Variants in CDH26 observed in about 807,000 individuals in gnomAD.
CDH26 encodes cadherin-like protein 26.
In CDH26, 83 loss-of-function variants were observed where a neutral mutation model predicts 90.3. That is an observed-to-expected ratio of 0.92 (90% CI 0.77 to 1.10). The LOEUF is 1.10. Among genes scored for constraint, CDH26 ranks in the 50% least tolerant of loss-of-function variants. The pLI is 0.00. For missense variants in CDH26, 1,013 were observed against 1,037.6 expected (o/e 0.98, Z 0.33); for synonymous variants, 397 against 396.3 (o/e 1.00, Z -0.02).
At chr20:60,005,577 T>G (rs558454077) in intron 16 of CDH26, among the ~76,000 whole-genome samples, 2 of 152,280 alleles carry the variant, frequency 1.3e-5, no homozygotes, top group South Asian at 4.1e-4. Flanking sequence ...TTTACATATG[T>G]CTTCTGGAAC....
At chr20:59,966,376 T>C (rs867532191) in intron 1 of CDH26, among the ~76,000 whole-genome samples, 21 of 151,956 alleles carry the variant, frequency 1.4e-4, no homozygotes, top group African/African-American at 4.8e-4. Context: ...TCACGAAGAG[T>C]GTTTAAAAGA....
At position 59,970,873 on chromosome 20, in the gene CDH26, A is replaced by T. The variant is rs1006066864; in HGVS notation, c.231+687A>T. On this transcript the variant is annotated intron_variant, in intron 3 of 17. Transcript: ENST00000348616. ...ATAAATAAGGGAGATTGTCTTAAAA[A>T]TTTTGCCCTTCTAAAGACTTTTAAA... 8.6e-4 allele frequency among the ~76,000 whole-genome samples: 131 copies of T among 152,044 alleles called. 2 individuals carry two copies. The highest frequency in any genetic ancestry group is 3.4e-3 in the Middle Eastern group (1 of 292).
rs745726116 is a variant in CDH26 at position 59,996,040 on chromosome 20, T to C, written c.1874T>C (p.Phe625Ser). ...GCCCTGTTCCCTGTCTGTGCAGCAT[T>C]TGTGGCTCTGGCAGGTCAGTGGTCT... ...VGALFPVCAA[F>S]VALAVALLFL... The change falls in exon 12 of 18, where the codon TTT (phenylalanine) becomes TCT (serine). Residue 625 changes from phenylalanine to serine, a missense_variant. Coordinates refer to ENST00000348616, the MANE Select transcript of CDH26 (RefSeq NM_177980.4). The C allele has an allele frequency of 1.7e-5, 28 of 1,613,116 alleles. No homozygotes were observed. In the Admixed American group the frequency reaches 2.7e-4, roughly 15 times the overall value.
intron 7 of CDH26, among the ~76,000 whole-genome samples, chr20:60,026,135 C>T (rs915563499): frequency 9.9e-5 from 15 of 152,178 alleles, no homozygotes; most frequent in Admixed American, 2.0e-4. Flanking sequence ...TTAACCCGCT[C>T]TGGGAAGTCT....
chr20:59,987,768 C>A (rs142859405), intron 8 of CDH26, 130 bp downstream of exon 8: 4 of 685,372 alleles, frequency 5.8e-6, no homozygotes, highest in Non-Finnish European at 9.0e-6. Context: ...ACGTACCACA[C>A]GTCACCAGGC....
rs191588935 is a variant in CDH26, at chr20:59,987,509, T to C, written c.894T>C (p.Val298=). The C allele has an allele frequency of 2.3e-5, 37 of 1,613,926 alleles. No individual in the cohort carries two copies. In the East Asian group the frequency reaches 7.8e-4, roughly 34 times the overall value. ...RASQGVLRLL[V]QDRDSPFTSA... ...GCCAGGGCGTGTTGCGTCTCCTGGT[T>C]CAAGATCGAGATTCTCCATTTACAT... Residue 298 remains valine (V), a synonymous_variant, in exon 8 of 18, where the codon GTT becomes GTC. Coordinates refer to ENST00000348616, the MANE Select transcript of CDH26 (RefSeq NM_177980.4).
chr20:60,030,018 A>G lies in CDH26; in HGVS notation c.948-1213A>G, dbSNP rs933523149. On this transcript the variant is annotated intron_variant, in intron 7 of 8. Transcript: ENST00000370991. This position sits in a 1 kb window ranked among gnomAD's most constrained non-coding sequence, Gnocchi z 4.0. ...AGATTCAGTCTTCACTGAGGTTGAA[A>G]AACAAGGAAGGGAGAAAGAAAGTGA... Among the ~76,000 whole-genome samples the G allele has an allele frequency of 2.0e-5, 3 of 152,208 alleles. No individual in the cohort carries two copies. Among genetic ancestry groups the G allele is most frequent in the African/African-American group, 4.8e-5 (2 of 41,452 alleles).
intron 7 of CDH26, among the ~76,000 whole-genome samples, chr20:60,020,856 T>C (rs2061946266): frequency 6.6e-6 from 1 of 152,182 alleles, no homozygotes; most frequent in Non-Finnish European, 1.5e-5. Context: ...GGGAGTCTTG[T>C]ATGTAAGGAC....
rs1218611454 is a variant in CDH26 at position 60,001,325 on chromosome 20, T to C, written c.2098-18T>C. ...AGAAATCCATTCTCTTTTGAGTAAA[T>C]CAGCATTTTCCCTCTAGGATCTCGA... is the stretch of plus-strand genomic sequence containing the variant. On this transcript the variant is annotated intron_variant, in intron 14 of 17. Coordinates refer to ENST00000348616, the MANE Select transcript of CDH26 (RefSeq NM_177980.4). 1.2e-6 allele frequency: 2 copies of C among 1,613,688 alleles called. No individual in the cohort carries two copies. Among genetic ancestry groups the C allele is most frequent in the Admixed American group, 1.7e-5 (1 of 59,988 alleles).
At chr20:59,971,266 G>A (rs943169025) in intron 3 of CDH26, among the ~76,000 whole-genome samples, 1 of 152,184 alleles carries the variant, frequency 6.6e-6, no homozygotes, top group African/African-American at 2.4e-5. Flanking sequence ...ATGCCTAAGA[G>A]TCAGGGGGAG....
chr20:60,000,339 G>A (rs966270807), intron 14 of CDH26, among the ~76,000 whole-genome samples: 25 of 152,192 alleles, frequency 1.6e-4, no homozygotes, highest in African/African-American at 6.0e-4. Flanking sequence ...ATAACTAGTA[G>A]GTGTCCCCTA....
intron 4 of CDH26, among the ~76,000 whole-genome samples, chr20:59,973,354 T>C (rs1163027453): frequency 6.6e-6 from 1 of 151,974 alleles, no homozygotes; most frequent in Non-Finnish European, 1.5e-5. Flanking sequence ...TGTTGTTGCT[T>C]GTTTGCTTTC....
intron 16 of CDH26, among the ~76,000 whole-genome samples, chr20:60,005,490 A>C (rs2061736066): frequency 6.6e-6 from 1 of 151,380 alleles, no homozygotes; most frequent in Admixed American, 6.6e-5. Flanking sequence ...GTATGTATGT[A>C]TGTATGTATG....
Position 59,967,878 on chromosome 20 carries a change from T to TC in CDH26, c.70-1089_70-1088insC, listed in dbSNP as rs1421744084. On this transcript the variant is annotated intron_variant, in intron 1 of 17. Transcript: ENST00000348616. The stretch of plus-strand genomic sequence containing the variant: ...CTTTCTTTCTTTCTTTCTTTCTTTC[T>TC]TCCTTCCTTCCTTCCTTCCTTCCTT... Among the ~76,000 whole-genome samples, 385 of 101,456 alleles carry TC rather than the reference T, an allele frequency of 3.8e-3. 6 individuals carry two copies. The highest frequency in any genetic ancestry group is 0.025 in the African/African-American group (358 of 14,056). The allele number at this position is 101,456 out of a possible 152,430, so 66.6% of individuals were successfully genotyped here.
rs990885581 is a variant in CDH26 at position 59,983,217 on chromosome 20, G to T, written c.541+147G>T. The T allele has an allele frequency of 4.4e-6, 4 of 910,300 alleles. No homozygotes were observed. The Admixed American group carries it at 1.1e-4, about 24-fold the overall frequency. 56.4% of individuals were successfully genotyped at this position (910,300 alleles called of 1,614,324 possible). On this transcript the variant is annotated intron_variant, in intron 5 of 17. Coordinates refer to ENST00000348616, the MANE Select transcript of CDH26 (RefSeq NM_177980.4). ...AAGATCGCAGGCCTTGGATCTGAGC[G>T]AAATGCTTTGAGGTCCGTAAGCCTC...
chr20:60,023,960 GGAGAGAGA>G (rs11086691), intron 7 of CDH26, among the ~76,000 whole-genome samples: 7 of 147,302 alleles, frequency 4.8e-5, no homozygotes, highest in African/African-American at 1.8e-4. Context: ...GCTGACAGAG[GGAGAGAGA>G]GAGAGAGAGA....
At chr20:60,025,609 G>A (rs1440514718) in intron 7 of CDH26, among the ~76,000 whole-genome samples, 1 of 152,228 alleles carries the variant, frequency 6.6e-6, no homozygotes, top group African/African-American at 2.4e-5. Context: ...GTGAAGGGCA[G>A]ATGAACTCGT....
At chr20:60,005,476 A>ATG (rs1421278864) in intron 16 of CDH26, among the ~76,000 whole-genome samples, 1 of 138,274 alleles carries the variant, frequency 7.2e-6, no homozygotes, top group Non-Finnish European at 1.5e-5. Flanking sequence ...ATGTGTATAT[A>ATG]TCTGTATGTA....
At chr20:59,970,307 CAGA>C in intron 3 of CDH26, 121 bp downstream of exon 3, 1 of 1,341,190 alleles carries the variant, frequency 7.5e-7, no homozygotes, top group Non-Finnish European at 9.9e-7. Context: ...TGAAGTAGAG[CAGA>C]AGGAGCACTG....
Sources: gnomAD v4.1 joint callset for allele counts (sites outside exome capture counted in the v4.1 genomes callset) on GRCh38, gnomAD v4.1.1 for gene constraint, Gnocchi (gnomAD v3.1) non-coding constraint, MANE v1.5 for transcripts, NCBI Gene and HGNC (gene_info 2026-07-23, HGNC 2026-07-21) for gene names.